UNC13C: variants seen among roughly 807,000 people sequenced by gnomAD.
UNC13C encodes unc-13 homolog C.
Under a neutral mutation model 245.4 loss-of-function variants are expected in UNC13C, and 174 were observed. The observed-to-expected ratio is 0.71, with a 90% CI of 0.63 to 0.80. UNC13C has a LOEUF of 0.80. Ranked by LOEUF, UNC13C falls within the 30% of genes least tolerant of loss-of-function variation. UNC13C has a pLI of 0.00. For synonymous variants in UNC13C, 992 were observed against 895.1 expected, an observed-to-expected ratio of 1.11 and a Z score of -1.93; for missense variants, 2,829 against 2,602.9, an observed-to-expected ratio of 1.09 and a Z score of -1.89.
rs1007233079 is a variant in UNC13C at position 54,049,092 on chromosome 15, G to T, written c.2983+33206G>T. 14 of 370,330 alleles carry T rather than the reference G, an allele frequency of 3.8e-5. No homozygotes were observed. The Admixed American group carries it at 5.3e-4, about 14-fold the overall frequency. The allele number at this position is 370,330 out of a possible 1,614,324, so 22.9% of individuals were successfully genotyped here. On this transcript the variant is annotated intron_variant, in intron 2 of 32. Transcript: ENST00000260323. ...AATGAAAGTGACTTTTCTATCATTGGTAAGTCCTTTTTGATCCAGAGCAAT... is the reference window on the plus strand; with the variant it reads ...AATGAAAGTGACTTTTCTATCATTGTTAAGTCCTTTTTGATCCAGAGCAAT...
the UNC13C span, chr15:53,912,288 A>T: frequency 2.0e-5 from 3 of 152,250 alleles, no homozygotes; most frequent in Non-Finnish European, 2.9e-5. Context: ...GGGAGAAGAC[A>T]TTAGGCCTTT....
intron 30 of UNC13C, among the ~76,000 whole-genome samples, chr15:54,616,755 T>C (rs1900463726): frequency 6.6e-6 from 1 of 152,062 alleles, no homozygotes; most frequent in African/African-American, 2.4e-5. Context: ...TCTTTTATAA[T>C]GTAGCCTAAG....
chr15:54,277,183 C>T (rs2036855613), intron 10 of UNC13C, among the ~76,000 whole-genome samples: 1 of 152,088 alleles, frequency 6.6e-6, no homozygotes, highest in Non-Finnish European at 1.5e-5. Context: ...CAATGTTTTC[C>T]TGCCTGATGA....
In UNC13C at chr15:54,567,024, AC is replaced by A. The variant is rs918483624; in HGVS notation, c.5959-775del. Among the ~76,000 whole-genome samples, 13 of 152,094 alleles carry A rather than the reference AC, an allele frequency of 8.5e-5. 1 individual carries two copies. Among genetic ancestry groups the A allele is most frequent in the Non-Finnish European group, 1.3e-4 (9 of 68,014 alleles). ...ATCATTTATAAACAGGTAGAAAAAA[AC>A]ATCCTTAGTTCTATCATATATCTCT... On this transcript the variant is annotated intron_variant, in intron 29 of 32. Transcript: ENST00000260323.
At chr15:54,477,793 G>C (rs866852594) in intron 19 of UNC13C, among the ~76,000 whole-genome samples, 1 of 148,308 alleles carries the variant, frequency 6.7e-6, no homozygotes, top group South Asian at 2.2e-4. Flanking sequence ...GTCTCTGCCC[G>C]GCTTTGGTAT....
the UNC13C span, among the ~76,000 whole-genome samples, chr15:53,965,264 A>G: frequency 6.6e-6 from 1 of 152,136 alleles, no homozygotes; most frequent in Non-Finnish European, 1.5e-5. Flanking sequence ...TGACCCTTCA[A>G]TCATTTATAA....
the UNC13C span, among the ~76,000 whole-genome samples, chr15:53,840,314 C>A: frequency 2.6e-4 from 39 of 152,062 alleles, no homozygotes; most frequent in African/African-American, 9.4e-4. Flanking sequence ...CTAATAATTA[C>A]CTTTTATTAG....
the UNC13C span, among the ~76,000 whole-genome samples, chr15:53,969,684 C>CAAAA: frequency 5.8e-4 from 56 of 95,880 alleles, no homozygotes; most frequent in African/African-American, 1.9e-3. Flanking sequence ...GGTGCTGTCT[C>CAAAA]AAAAAAAAAA....
At chr15:54,019,962 G>A (rs1240867090) in intron 2 of UNC13C, among the ~76,000 whole-genome samples, 4 of 152,146 alleles carry the variant, frequency 2.6e-5, no homozygotes, top group Non-Finnish European at 5.9e-5. Flanking sequence ...ACGAGTTACT[G>A]ATGTAATATA....
At position 54,338,492 on chromosome 15, in the gene UNC13C, A is replaced by G. The variant is rs2038648556; in HGVS notation, c.4713+3A>G. ...TCTACTCCCAGCTAACAGACCCGGT[A>G]AGAAAATATGTATGTCTTTTATAAT... On this transcript the variant is annotated splice_donor_region_variant and intron_variant, in intron 17 of 32. Transcript: ENST00000260323. 6.2e-7 allele frequency: 1 copy of G among 1,612,642 alleles called. No homozygotes were observed. The highest frequency in any genetic ancestry group is 1.1e-5 in the South Asian group (1 of 90,960).
At position 54,035,464 on chromosome 15, in the gene UNC13C, TTAGTCAGA is replaced by T. The variant is rs575476772; in HGVS notation, c.2983+19580_2983+19587del. The stretch of plus-strand genomic sequence containing the variant: ...ATTTGGAAGCACCCAGTAAACACTG[TTAGTCAGA>T]TGACAAACTTCATAGGAACTCATTT... On this transcript the variant is annotated intron_variant, in intron 2 of 32. Transcript: ENST00000260323. Among the ~76,000 whole-genome samples the T allele has an allele frequency of 2.6e-4, 40 of 152,320 alleles. No homozygotes were observed. The East Asian group carries it at 7.1e-3, about 27-fold the overall frequency.
At chr15:54,335,397 C>G (rs2038547370) in intron 16 of UNC13C, among the ~76,000 whole-genome samples, 1 of 152,034 alleles carries the variant, frequency 6.6e-6, no homozygotes, top group Non-Finnish European at 1.5e-5. Context: ...TTTTCTTCTC[C>G]TGTTATTCTT....
At chr15:54,363,704 C>CT (rs1343640621) in intron 17 of UNC13C, among the ~76,000 whole-genome samples, 1 of 152,132 alleles carries the variant, frequency 6.6e-6, no homozygotes, top group African/African-American at 2.4e-5. Context: ...AGTAGAACAG[C>CT]TATAGCAACA....
At chr15:54,267,106 C>A (rs2036566708) in intron 10 of UNC13C, among the ~76,000 whole-genome samples, 1 of 151,914 alleles carries the variant, frequency 6.6e-6, no homozygotes, top group African/African-American at 2.4e-5. Context: ...CAGAGTGACC[C>A]ATATGTTAAA....
intron 4 of UNC13C, among the ~76,000 whole-genome samples, chr15:54,208,000 A>G (rs1414374203): frequency 6.6e-6 from 1 of 152,154 alleles, no homozygotes; most frequent in Non-Finnish European, 1.5e-5. Context: ...TTAAAGAAAG[A>G]GGTTTAATTG....
chr15:54,009,687 C>T (rs1895296753), intron 1 of UNC13C, among the ~76,000 whole-genome samples: 1 of 152,100 alleles, frequency 6.6e-6, no homozygotes, highest in Non-Finnish European at 1.5e-5. Flanking sequence ...GCTGGGACTA[C>T]AGGCATGTAC....
In UNC13C at chr15:54,555,517, G is replaced by A; in HGVS notation, c.5958+5G>A. 1 of 1,608,476 alleles carries A rather than the reference G, an allele frequency of 6.2e-7. No individual in the cohort carries two copies. On this transcript the variant is annotated splice_donor_5th_base_variant and intron_variant, in intron 29 of 32. Coordinates refer to ENST00000260323, the MANE Select transcript of UNC13C (RefSeq NM_001080534.3). ...GTAGTCCTGGCTACCATCAAGGTGA[G>A]ATTATAATGCTCCTATATATACATC...
intron 28 of UNC13C, among the ~76,000 whole-genome samples, chr15:54,553,756 A>G (rs1013059169): frequency 3.3e-5 from 5 of 151,568 alleles, no homozygotes; most frequent in Admixed American, 6.6e-5. Context: ...TTCTAGTAAG[A>G]ATTATATTTC....
chr15:54,000,283 T>G (rs182877613), intron 1 of UNC13C, among the ~76,000 whole-genome samples: 4 of 152,250 alleles, frequency 2.6e-5, no homozygotes, highest in East Asian at 1.9e-4. Context: ...TACTGGATTT[T>G]AGTTTTGTGC....
Sources: allele counts gnomAD v4.1 joint callset (sites outside exome capture counted in the v4.1 genomes callset), GRCh38; gene constraint gnomAD v4.1.1; transcripts MANE v1.5; gene names NCBI Gene and HGNC (gene_info 2026-07-23, HGNC 2026-07-21).